Variants in FERMT2 observed in about 807,000 individuals in gnomAD.
The protein encoded by FERMT2 is fermitin family homolog 2.
A neutral mutation model predicts 82.7 loss-of-function variants in FERMT2; 15 were observed. That is an observed-to-expected ratio of 0.18 (90% CI 0.12 to 0.28). The LOEUF is 0.28. Ranked by LOEUF, FERMT2 falls within the 10% of genes least tolerant of loss-of-function variation. The pLI is 1.00. For synonymous variants in FERMT2, 274 were observed against 271.5 expected (o/e 1.01, Z -0.09); for missense variants, 645 against 809.4 (o/e 0.80, Z 2.46).
chr14:52,929,821 G>A, intron 2 of FERMT2, among the ~76,000 whole-genome samples: 1 of 152,132 alleles, frequency 6.6e-6, no homozygotes, highest in East Asian at 1.9e-4. Flanking sequence ...TGTTGTTGGT[G>A]GGTGGGGGAG....
chr14:52,860,033 G>C, intron 13 of FERMT2: 1 of 281,962 alleles, frequency 3.5e-6, no homozygotes, highest in Non-Finnish European at 6.6e-6. Flanking sequence ...TAGCCAGGAT[G>C]GTCTCTATCT....
intron 1 of FERMT2, 109 bp from the exon 2 acceptor site, chr14:52,950,686 G>A: frequency 8.7e-7 from 1 of 1,143,320 alleles, no homozygotes. Flanking sequence ...GGAGGACCCG[G>A]GGCTTTCGGC....
chr14:52,914,833 G>A (rs1888530201), intron 3 of FERMT2, among the ~76,000 whole-genome samples: 1 of 152,062 alleles, frequency 6.6e-6, no homozygotes, highest in Non-Finnish European at 1.5e-5. Context: ...GGCAGAAGAA[G>A]TACTTGAATC....
chr14:52,947,713 A>G (rs529494657), intron 2 of FERMT2, among the ~76,000 whole-genome samples: 6 of 152,326 alleles, frequency 3.9e-5, no homozygotes, highest in Non-Finnish European at 7.3e-5. Context: ...TAGCTTCAAG[A>G]TGAACCTGAC....
Position 52,950,412 on chromosome 14 carries a change from C to A in FERMT2, c.157G>T (p.Asp53Tyr). The stretch of plus-strand genomic sequence containing the variant: ...TGGACGCGGCTGGGATGCTACTCAC[C>A]GAGTTTCTCCACCAGCTTAAGCATC... Reference protein sequence around the residue: ...GVMLKLVEKLDVKKDWSDHAL... With the variant: ...GVMLKLVEKLYVKKDWSDHAL... Residue 53 changes from aspartate to tyrosine, a missense_variant and splice_region_variant, in exon 2 of 15, where the codon GAT becomes TAT. By Grantham distance (160) the Asp-to-Tyr change is radical. Coordinates refer to ENST00000341590, the MANE Select transcript of FERMT2 (RefSeq NM_006832.3). 1.2e-6 allele frequency: 2 copies of A among 1,612,896 alleles called. No homozygotes were observed. Among genetic ancestry groups the A allele is most frequent in the Non-Finnish European group, 1.7e-6 (2 of 1,179,454 alleles).
intron 2 of FERMT2, among the ~76,000 whole-genome samples, chr14:52,925,221 T>C (rs889860511): frequency 3.9e-5 from 6 of 152,074 alleles, no homozygotes; most frequent in Non-Finnish European, 8.8e-5. Flanking sequence ...CTGAGAAGCA[T>C]TTGCCCAGGC....
chr14:52,933,182 T>C (rs1249713017), intron 2 of FERMT2, among the ~76,000 whole-genome samples: 9 of 152,204 alleles, frequency 5.9e-5, no homozygotes. Context: ...AATATGTATC[T>C]CTACAAGTTA....
At chr14:52,879,616 T>A (rs1354217687) in intron 6 of FERMT2, among the ~76,000 whole-genome samples, 1 of 152,156 alleles carries the variant, frequency 6.6e-6, no homozygotes, top group Non-Finnish European at 1.5e-5. Flanking sequence ...GGCCTGAAAA[T>A]GAATTAAAAT....
intron 2 of FERMT2, among the ~76,000 whole-genome samples, chr14:52,938,389 A>G (rs1479725555): frequency 6.6e-6 from 1 of 152,220 alleles, no homozygotes; most frequent in Non-Finnish European, 1.5e-5. Flanking sequence ...TCATTCTACT[A>G]ATTATCAAGA....
intron 3 of FERMT2, among the ~76,000 whole-genome samples, chr14:52,896,009 C>T (rs544792817): frequency 6.6e-6 from 1 of 152,236 alleles, no homozygotes; most frequent in Non-Finnish European, 1.5e-5. Flanking sequence ...ACTCCTTGGC[C>T]TCCCAAAGTG....
intron 9 of FERMT2, among the ~76,000 whole-genome samples, chr14:52,873,335 A>G (rs1885745890): frequency 6.6e-6 from 1 of 152,208 alleles, no homozygotes; most frequent in Non-Finnish European, 1.5e-5. Context: ...GCCTCTATAA[A>G]GATGCAAATT....
chr14:52,888,829 T>C, intron 4 of FERMT2, among the ~76,000 whole-genome samples: 1 of 152,244 alleles, frequency 6.6e-6, no homozygotes. Flanking sequence ...GAGTACAGTA[T>C]AAGGATTTGT....
chr14:52,874,102 T>C, intron 9 of FERMT2, 75 bp downstream of exon 9: 3 of 937,552 alleles, frequency 3.2e-6, no homozygotes, highest in Non-Finnish European at 4.8e-6. Context: ...AACTTAACAG[T>C]TAGTTTCAAT....
rs541511056 is a variant in FERMT2 at position 52,867,098 on chromosome 14, C to CTT, written c.1274-2247_1274-2246dup. ...AAAGTTCATTAAAAAGCTTTGCCTC[C>CTT]TTTTTTTTTTTTTTTTTAAATAGAG... On this transcript the variant is annotated intron_variant, in intron 10 of 14. Coordinates refer to ENST00000341590, the MANE Select transcript of FERMT2 (RefSeq NM_006832.3). 1.1e-4 allele frequency among the ~76,000 whole-genome samples: 15 copies of CTT among 141,236 alleles called. 1 individual carries two copies. The highest frequency in any genetic ancestry group is 2.6e-4 in the African/African-American group (10 of 38,466). The allele number at this position is 141,236 out of a possible 152,430, so 92.7% of individuals were successfully genotyped here.
intron 6 of FERMT2, 52 bp from the exon 7 acceptor site, chr14:52,878,741 A>C (rs768779142): frequency 2.2e-6 from 2 of 926,920 alleles, no homozygotes; most frequent in Non-Finnish European, 3.2e-6. Flanking sequence ...ACCATTGAAA[A>C]ATTTCAAACT....
chr14:52,902,875 A>AAAAAAAAAAAACAAAAC (rs1368656197), intron 3 of FERMT2, among the ~76,000 whole-genome samples: 2 of 133,376 alleles, frequency 1.5e-5, no homozygotes, highest in Non-Finnish European at 3.2e-5. Context: ...TCTCAAAAAA[A>AAAAAAAAAAAACAAAAC]AAAAAAAAAA....
chr14:52,882,277 G>C (rs1594944908), intron 4 of FERMT2, among the ~76,000 whole-genome samples: 2 of 151,878 alleles, frequency 1.3e-5, no homozygotes, highest in East Asian at 3.9e-4. Flanking sequence ...ATGTAAAAGG[G>C]GAGATAAAAG....
chr14:52,926,015 G>C (rs1889248435), intron 2 of FERMT2, among the ~76,000 whole-genome samples: 1 of 152,268 alleles, frequency 6.6e-6, no homozygotes, highest in Non-Finnish European at 1.5e-5. Flanking sequence ...AAAGTGGCAA[G>C]TTAAATCATA....
chr14:52,899,700 T>C (rs549161478), intron 3 of FERMT2, among the ~76,000 whole-genome samples: 1 of 152,312 alleles, frequency 6.6e-6, no homozygotes, highest in Non-Finnish European at 1.5e-5. Flanking sequence ...TGGCTGCATA[T>C]GAAGTGTGAA....
Sources: allele counts gnomAD v4.1 joint callset (sites outside exome capture counted in the v4.1 genomes callset), GRCh38; gene constraint gnomAD v4.1.1; transcripts MANE v1.5; gene names NCBI Gene and HGNC (gene_info 2026-07-23, HGNC 2026-07-21).